DMRT1: variants seen among roughly 807,000 people sequenced by gnomAD.
DMRT1 encodes the protein doublesex and mab-3 related transcription factor 1, also known as doublesex- and mab-3-related transcription factor 1.
A neutral mutation model predicts 32.3 loss-of-function variants in DMRT1; 7 were observed. The ratio of observed to expected loss-of-function variants is 0.22; its 90% CI spans 0.12 to 0.41. The LOEUF (loss-of-function observed/expected upper bound fraction) is 0.41. DMRT1 is among the 10% of genes least tolerant of loss of function. DMRT1 has a pLI of 1.00. For synonymous variants in DMRT1, 278 were observed against 206.1 expected (o/e 1.35, Z -2.99); for missense variants, 625 against 500.5 (o/e 1.25, Z -2.37).
rs370291464 is a variant in DMRT1, at chr9:871,843, C to T, written c.539-22069C>T. Among the ~76,000 whole-genome samples, 101 of 151,314 alleles carry T rather than the reference C, an allele frequency of 6.7e-4. 2 individuals carry two copies. Among genetic ancestry groups the T allele is most frequent in the African/African-American group, 2.4e-3 (99 of 40,714 alleles). On this transcript the variant is annotated intron_variant, in intron 2 of 4. Transcript: ENST00000382276. ...GGCCCAGCATTTTTGTCTGATTCTT[C>T]AAGGAGTCTGTGACCTAAAAAGTAT...
intron 3 of DMRT1, among the ~76,000 whole-genome samples, 161 bp from the exon 4 acceptor site, chr9:916,602 G>T (rs187122162): frequency 1.3e-5 from 2 of 152,164 alleles, no homozygotes; most frequent in East Asian, 3.9e-4. Context: ...GAACTCCTGG[G>T]CTCAAGCGAT....
intron 2 of DMRT1, among the ~76,000 whole-genome samples, chr9:884,289 G>A (rs1044121764): frequency 6.6e-6 from 1 of 150,970 alleles, no homozygotes; most frequent in Non-Finnish European, 1.5e-5. Flanking sequence ...AACACTCCAC[G>A]ATCAGTAAGG....
intron 4 of DMRT1, among the ~76,000 whole-genome samples, chr9:938,556 G>C (rs957954759): frequency 6.6e-6 from 1 of 152,002 alleles, no homozygotes; most frequent in Non-Finnish European, 1.5e-5. Flanking sequence ...TTAATATTTT[G>C]TTGCTAGGGT....
intron 3 of DMRT1, among the ~76,000 whole-genome samples, chr9:902,253 G>C (rs1307415309): frequency 6.7e-6 from 1 of 148,612 alleles, no homozygotes; most frequent in Non-Finnish European, 1.5e-5. Context: ...TAGATGGTGG[G>C]ATGTTTTTTG....
chr9:852,439 C>G (rs1815191191), intron 2 of DMRT1, among the ~76,000 whole-genome samples: 1 of 147,362 alleles, frequency 6.8e-6, no homozygotes, highest in Non-Finnish European at 1.5e-5. Context: ...ACTTAAATCT[C>G]AGGTCTTCTT....
intron 2 of DMRT1, among the ~76,000 whole-genome samples, chr9:889,505 A>G (rs1817059213): frequency 1.3e-5 from 2 of 152,260 alleles, no homozygotes; most frequent in South Asian, 4.1e-4. Flanking sequence ...TGGTGTTGTT[A>G]ACTAATTACA....
chr9:841,699 T>C lies in DMRT1; in HGVS notation c.-140T>C. ...GCGTGGCGTGCCCAGACCTCGCCAC[T>C]CCAGCTGCGCCTCCGGCTGCAGCGC... On this transcript the variant is annotated 5_prime_UTR_variant, in exon 1 of 5. Transcript: ENST00000382276. 2.0e-6 allele frequency: 3 copies of C among 1,524,996 alleles called. No individual in the cohort carries two copies. Among genetic ancestry groups the C allele is most frequent in the Non-Finnish European group, 2.6e-6 (3 of 1,132,732 alleles). The allele number at this position is 1,524,996 out of a possible 1,614,324, so 94.5% of individuals were successfully genotyped here.
Position 952,387 on chromosome 9 carries a change from C to T in DMRT1, c.968-15598C>T, listed in dbSNP as rs557530750. Reference sequence around the variant, plus strand: ...AAAGAGGCTCTTCCAACACCTTGGACGTGAGATAAAACATGTTCTAAAATT... The same window carrying T: ...AAAGAGGCTCTTCCAACACCTTGGATGTGAGATAAAACATGTTCTAAAATT... On this transcript the variant is annotated intron_variant, in intron 4 of 4. Coordinates refer to ENST00000382276, the MANE Select transcript of DMRT1 (RefSeq NM_021951.3). Among the ~76,000 whole-genome samples, 62 of 152,264 alleles carry T rather than the reference C, an allele frequency of 4.1e-4. 1 individual carries two copies. The highest frequency in any genetic ancestry group is 3.5e-3 in the Admixed American group (53 of 15,294).
intron 4 of DMRT1, among the ~76,000 whole-genome samples, chr9:940,538 C>T (rs1267090165): frequency 6.6e-6 from 1 of 151,978 alleles, no homozygotes; most frequent in African/African-American, 2.4e-5. Context: ...ATACCATATA[C>T]AAAAATTAAC....
intron 2 of DMRT1, among the ~76,000 whole-genome samples, chr9:872,503 GGT>G (rs1816316488): frequency 1.3e-5 from 2 of 152,124 alleles, no homozygotes; most frequent in South Asian, 4.1e-4. Context: ...CCCAGCCTCT[GGT>G]AACCACTAGC....
At chr9:852,293 G>GAA (rs35682202) in intron 2 of DMRT1, among the ~76,000 whole-genome samples, 50 of 147,890 alleles carry the variant, frequency 3.4e-4, no homozygotes, top group Middle Eastern at 3.5e-3. Context: ...GGAGTATTCA[G>GAA]AAAAAAAAAA....
chr9:863,611 T>C (rs920917290), intron 2 of DMRT1, among the ~76,000 whole-genome samples: 2 of 152,188 alleles, frequency 1.3e-5, no homozygotes, highest in Non-Finnish European at 2.9e-5. Context: ...AAACAGTCCC[T>C]GCTAGAGGCT....
At chr9:892,161 G>A (rs1261214114) in intron 2 of DMRT1, among the ~76,000 whole-genome samples, 1 of 152,172 alleles carries the variant, frequency 6.6e-6, no homozygotes, top group Non-Finnish European at 1.5e-5. Flanking sequence ...AGAACTGTTT[G>A]CTTGATGTCC....
chr9:885,253 G>A (rs980699506), intron 2 of DMRT1, among the ~76,000 whole-genome samples: 2 of 152,174 alleles, frequency 1.3e-5, no homozygotes, highest in African/African-American at 2.4e-5. Context: ...GGTGGCTTGC[G>A]TTAGTCGGCT....
chr9:842,117 C>T lies in DMRT1; in HGVS notation c.279C>T (p.Arg93=), dbSNP rs986904108. 1.3e-6 allele frequency: 2 copies of T among 1,548,746 alleles called. No individual in the cohort carries two copies. The highest frequency in any genetic ancestry group is 1.4e-5 in the African/African-American group (1 of 73,454). Reference sequence around the variant, plus strand: ...CCTCGCCGCTCAAGGGCCACAAGCGCTTCTGCATGTGGCGCGACTGCCAGT... The same window carrying T: ...CCTCGCCGCTCAAGGGCCACAAGCGTTTCTGCATGTGGCGCGACTGCCAGT... ...GYASPLKGHK[R]FCMWRDCQCK... is the part of the protein sequence containing the mutation. Residue 93 remains arginine (R), a synonymous_variant, in exon 1 of 5, where the codon CGC becomes CGT. Transcript: ENST00000382276.
intron 3 of DMRT1, among the ~76,000 whole-genome samples, chr9:908,899 T>C (rs1564243400): frequency 1.3e-5 from 2 of 152,326 alleles, no homozygotes; most frequent in African/African-American, 4.8e-5. Context: ...TCTTGGGTTC[T>C]TCAGCATCTG....
chr9:868,783 G>GTAGA (rs1166296419), intron 2 of DMRT1, among the ~76,000 whole-genome samples: 1 of 152,216 alleles, frequency 6.6e-6, no homozygotes, highest in Non-Finnish European at 1.5e-5. Flanking sequence ...GCCAAGGCAG[G>GTAGA]TAGATGGCTT....
In DMRT1 at chr9:860,692, TGATG is replaced by T. The variant is rs1191832637; in HGVS notation, c.538+13554_538+13557del. Among the ~76,000 whole-genome samples, 3 of 152,298 alleles carry T rather than the reference TGATG, an allele frequency of 2.0e-5. No homozygotes were observed. The East Asian group carries it at 5.8e-4, about 29-fold the overall frequency. On this transcript the variant is annotated intron_variant, in intron 2 of 4. Transcript: ENST00000382276. ...TGCTGTAAAGAAAAACAAAGTGATATGATGGATGTGACCAAGGGGACACGGGCTG... is the reference window on the plus strand; with the variant it reads ...TGCTGTAAAGAAAAACAAAGTGATATGATGTGACCAAGGGGACACGGGCTG...
chr9:894,722 G>C (rs1358769081), intron 3 of DMRT1: 1 of 186,030 alleles, frequency 5.4e-6, no homozygotes, highest in South Asian at 1.2e-4. Flanking sequence ...TTCGGTCACT[G>C]TTGAGCTGGA....
Sources: gnomAD v4.1 joint callset for allele counts (sites outside exome capture counted in the v4.1 genomes callset) on GRCh38, gnomAD v4.1.1 for gene constraint, MANE v1.5 for transcripts, NCBI Gene and HGNC (gene_info 2026-07-23, HGNC 2026-07-21) for gene names.